TM9SF3: variants seen among roughly 807,000 people sequenced by gnomAD.
The protein encoded by TM9SF3 is transmembrane 9 superfamily member 3.
TM9SF3 carries 14 observed loss-of-function variants against 78.6 expected under a neutral mutation model. The observed-to-expected ratio is 0.18, with a 90% CI of 0.12 to 0.28. The LOEUF is 0.28. Ranked by LOEUF, TM9SF3 falls within the 10% of genes least tolerant of loss-of-function variation. The probability of loss-of-function intolerance (pLI) is 1.00; values close to 1 mark genes in which losing one functional copy is unlikely to be tolerated. For missense variants in TM9SF3, 496 were observed against 721.9 expected (o/e 0.69, Z 3.59); for synonymous variants, 231 against 241.7 (o/e 0.96, Z 0.41).
rs186990826 is a variant in TM9SF3 at position 96,519,290 on chromosome 10, C to T, written c.*2973G>A. 1 of 152,016 alleles carries T rather than the reference C, an allele frequency of 6.6e-6. No homozygotes were observed. Among genetic ancestry groups the T allele is most frequent in the East Asian group, 1.9e-4 (1 of 5,178 alleles). The allele number at this position is 152,016 out of a possible 1,614,324, so 9.4% of individuals were successfully genotyped here. On this transcript the variant is annotated 3_prime_UTR_variant, in exon 15 of 15. Coordinates refer to ENST00000371142, the MANE Select transcript of TM9SF3 (RefSeq NM_020123.4). Reference sequence around the variant, plus strand: ...GCAGCAACCAACTTTATAAAGAGGTCCATCCACTCTCAATGGAAAACACCC... The same window carrying T: ...GCAGCAACCAACTTTATAAAGAGGTTCATCCACTCTCAATGGAAAACACCC...
Position 96,586,916 on chromosome 10 carries a change from G to C in TM9SF3, c.-81C>G, listed in dbSNP as rs2134166659. ...CTCCTCCGCCGCCGCCGCCTCCGCC[G>C]CGGCCGATTCGCATCCACGGGGCGC... is the stretch of plus-strand genomic sequence containing the variant. On this transcript the variant is annotated 5_prime_UTR_variant, in exon 1 of 15. Coordinates refer to ENST00000371142, the MANE Select transcript of TM9SF3 (RefSeq NM_020123.4). The C allele has an allele frequency of 3.6e-6, 4 of 1,097,266 alleles. No individual in the cohort carries two copies. The highest frequency in any genetic ancestry group is 4.5e-6 in the Non-Finnish European group (4 of 889,788). The allele number at this position is 1,097,266 out of a possible 1,614,324, so 68.0% of individuals were successfully genotyped here. A position where few individuals can be genotyped will look rare whatever the true frequency, so the allele number is the denominator to read the frequency against.
At chr10:96,568,515 A>G (rs888937149) in intron 2 of TM9SF3, among the ~76,000 whole-genome samples, 3 of 152,196 alleles carry the variant, frequency 2.0e-5, no homozygotes, top group African/African-American at 7.2e-5. Context: ...CACCCCAATA[A>G]TCTACCATCA....
intron 9 of TM9SF3, among the ~76,000 whole-genome samples, chr10:96,534,380 T>C (rs1474146034): frequency 6.6e-6 from 1 of 152,224 alleles, no homozygotes; most frequent in Admixed American, 6.5e-5. Flanking sequence ...CATATTAAAA[T>C]ACGTGAAATG....
intron 4 of TM9SF3, among the ~76,000 whole-genome samples, chr10:96,561,458 C>A (rs1234330100): frequency 6.6e-6 from 1 of 152,142 alleles, no homozygotes; most frequent in Non-Finnish European, 1.5e-5. Flanking sequence ...CACTGAATTT[C>A]TCTCTCATTT....
chr10:96,536,768 T>C (rs981746500), intron 9 of TM9SF3, among the ~76,000 whole-genome samples: 1 of 152,120 alleles, frequency 6.6e-6, no homozygotes, highest in African/African-American at 2.4e-5. Flanking sequence ...GAATAGCAAA[T>C]ACATTTTTCT....
intron 14 of TM9SF3, among the ~76,000 whole-genome samples, chr10:96,523,454 GGT>G (rs1195851277): frequency 6.6e-6 from 1 of 151,746 alleles, no homozygotes; most frequent in Admixed American, 6.6e-5. Context: ...ATGAAAGGAA[GGT>G]TATCCTTATG....
At chr10:96,585,372 C>A (rs1848617617) in intron 1 of TM9SF3, among the ~76,000 whole-genome samples, 1 of 152,154 alleles carries the variant, frequency 6.6e-6, no homozygotes. Context: ...AATAGCAGTT[C>A]TTAAACTTTG....
At chr10:96,561,886 G>C in intron 4 of TM9SF3, 92 bp downstream of exon 4, 1 of 1,047,916 alleles carries the variant, frequency 9.5e-7, no homozygotes. Context: ...CCCATTTCAA[G>C]CTACATTTTC....
chr10:96,557,088 T>A (rs905522825), intron 5 of TM9SF3, among the ~76,000 whole-genome samples: 1 of 152,098 alleles, frequency 6.6e-6, no homozygotes, highest in African/African-American at 2.4e-5. Flanking sequence ...TCTCTACATC[T>A]CCCTTCCTTA....
At chr10:96,543,818 C>T (rs1848064654) in intron 9 of TM9SF3, 1 of 206,890 alleles carries the variant, frequency 4.8e-6, no homozygotes, top group African/African-American at 2.3e-5. Flanking sequence ...AGCTATAGTG[C>T]TCTCTTTTAA....
At chr10:96,560,846 T>C (rs1848298694) in intron 4 of TM9SF3, 9 of 537,188 alleles carry the variant, frequency 1.7e-5, no homozygotes, top group South Asian at 1.1e-4. Context: ...GGAAAAAAAA[T>C]TCCTAAAACA....
intron 9 of TM9SF3, among the ~76,000 whole-genome samples, chr10:96,541,415 A>ACCC (rs1027987152): frequency 2.0e-5 from 3 of 151,590 alleles, no homozygotes; most frequent in Non-Finnish European, 4.4e-5. Context: ...TCACTCTGCC[A>ACCC]CCCAGGCTGG....
At chr10:96,571,947 C>A (rs564258585) in intron 2 of TM9SF3, among the ~76,000 whole-genome samples, 13 of 152,220 alleles carry the variant, frequency 8.5e-5, no homozygotes, top group African/African-American at 2.9e-4. Context: ...CCATAATGAA[C>A]CAATTATCGT....
chr10:96,563,637 CA>C (rs1352471898), intron 3 of TM9SF3, among the ~76,000 whole-genome samples: 1 of 151,850 alleles, frequency 6.6e-6, no homozygotes, highest in East Asian at 1.9e-4. Context: ...CTTGGCCACC[CA>C]AAGTGCTGGG....
intron 9 of TM9SF3, among the ~76,000 whole-genome samples, chr10:96,539,716 G>A (rs1848000470): frequency 6.6e-6 from 1 of 151,812 alleles, no homozygotes. Flanking sequence ...TTTTACCTCA[G>A]TACATCTGTA....
At chr10:96,552,403 C>T (rs866441949) in intron 6 of TM9SF3, among the ~76,000 whole-genome samples, 8 of 152,182 alleles carry the variant, frequency 5.3e-5, no homozygotes, top group Middle Eastern at 6.8e-3. Flanking sequence ...GAGCTATGAT[C>T]GCACCACTAC....
chr10:96,534,371 A>G (rs566480612), intron 9 of TM9SF3, among the ~76,000 whole-genome samples: 3 of 152,358 alleles, frequency 2.0e-5, no homozygotes, highest in South Asian at 2.1e-4. Flanking sequence ...ATTTATGCTC[A>G]TATTAAAATA....
intron 2 of TM9SF3, among the ~76,000 whole-genome samples, chr10:96,573,084 T>C (rs1185111863): frequency 6.6e-6 from 1 of 152,244 alleles, no homozygotes; most frequent in African/African-American, 2.4e-5. Flanking sequence ...TTTTCTCTGG[T>C]TTCACATTTC....
At chr10:96,582,631 T>C (rs1442698658) in intron 1 of TM9SF3, among the ~76,000 whole-genome samples, 3 of 152,224 alleles carry the variant, frequency 2.0e-5, no homozygotes, top group Non-Finnish European at 4.4e-5. Context: ...AAACAACATG[T>C]CTGTAATGCA....
Sources: allele counts gnomAD v4.1 joint callset (sites outside exome capture counted in the v4.1 genomes callset), GRCh38; gene constraint gnomAD v4.1.1; transcripts MANE v1.5; gene names NCBI Gene and HGNC (gene_info 2026-07-23, HGNC 2026-07-21).